UBASH3A: variants seen among roughly 807,000 people sequenced by gnomAD.
The protein encoded by UBASH3A is ubiquitin associated and SH3 domain containing A, also known as ubiquitin-associated and SH3 domain-containing protein A.
Under a neutral mutation model 73.5 loss-of-function variants are expected in UBASH3A, and 63 were observed. The ratio of observed to expected loss-of-function variants is 0.86; its 90% CI spans 0.70 to 1.06. The LOEUF is 1.06. Among genes scored for constraint, UBASH3A ranks in the 50% least tolerant of loss-of-function variants. The pLI is 0.00. For synonymous variants in UBASH3A, 363 were observed against 351.1 expected, an observed-to-expected ratio of 1.03 and a Z score of -0.38; for missense variants, 860 against 859.0, an observed-to-expected ratio of 1.00 and a Z score of -0.02.
rs766219425 is a variant in UBASH3A at position 42,447,053 on chromosome 21, C to A, written c.1849-4C>A. 6.2e-7 allele frequency: 1 copy of A among 1,611,274 alleles called. No individual in the cohort carries two copies. The highest frequency in any genetic ancestry group is 1.1e-5 in the South Asian group (1 of 90,572). On this transcript the variant is annotated splice_region_variant and splice_polypyrimidine_tract_variant and intron_variant, in intron 14 of 14. Coordinates refer to ENST00000319294, the MANE Select transcript of UBASH3A (RefSeq NM_018961.4). ...TTAACAAGTGATTTAAAACTCTGTTCCAGATCCCTTCCCTGGGCATGTGCT... is the reference window on the plus strand; with the variant it reads ...TTAACAAGTGATTTAAAACTCTGTTACAGATCCCTTCCCTGGGCATGTGCT...
Position 42,418,427 on chromosome 21 carries a change from AC to A in UBASH3A, c.868del (p.Gln290ArgfsTer6). 6.2e-7 allele frequency: 1 copy of A among 1,613,998 alleles called. No homozygotes were observed. On this transcript the variant is annotated frameshift_variant, in exon 7 of 15. Transcript: ENST00000319294. LOFTEE classifies it high-confidence loss of function. The part of the protein sequence containing the change: ...QTLRALFQYK[P>X]QNVDELTLSP... ...CCCTGAGAGCCCTATTCCAGTACAA[AC>A]CCCAGAACGTGGATGAGCTGACGCT...
intron 7 of UBASH3A, among the ~76,000 whole-genome samples, chr21:42,424,799 G>C (rs572217465): frequency 1.3e-5 from 2 of 152,296 alleles, no homozygotes; most frequent in South Asian, 2.1e-4. Context: ...TTGGAGACAG[G>C]GTCTTTAAAG....
chr21:42,416,018 A>G (rs78769539), intron 5 of UBASH3A, among the ~76,000 whole-genome samples: 2,286 of 152,330 alleles, frequency 0.015, 61 homozygotes, highest in African/African-American at 0.051. Flanking sequence ...GGTGAACCTT[A>G]AAGACACTGT....
At chr21:42,412,817 A>G (rs1427880695) in intron 3 of UBASH3A, among the ~76,000 whole-genome samples, 1 of 152,222 alleles carries the variant, frequency 6.6e-6, no homozygotes, top group Non-Finnish European at 1.5e-5. Flanking sequence ...CCTGCAAAGA[A>G]ACTTACCTGA....
intron 5 of UBASH3A, among the ~76,000 whole-genome samples, chr21:42,414,417 T>A: frequency 6.6e-6 from 1 of 152,172 alleles, no homozygotes; most frequent in Non-Finnish European, 1.5e-5. Flanking sequence ...TGAACCTCAT[T>A]GGCAGCATCT....
chr21:42,426,750 C>A lies in UBASH3A; in HGVS notation c.1100C>A (p.Ala367Asp), dbSNP rs2053443294. 6.2e-7 allele frequency: 1 copy of A among 1,614,038 alleles called. No individual in the cohort carries two copies. Among genetic ancestry groups the A allele is most frequent in the African/African-American group, 1.3e-5 (1 of 74,930 alleles). The part of the protein sequence containing the change: ...TDLNSRKDGE[A>D]SSRCSGEFLP... Reference sequence around the variant, plus strand: ...CTGAACTCCAGAAAGGATGGTGAAGCCAGCAGCAGATGCAGCGGGGAATTT... The same window carrying A: ...CTGAACTCCAGAAAGGATGGTGAAGACAGCAGCAGATGCAGCGGGGAATTT... The change falls in exon 8 of 15, where the codon GCC becomes GAC. Residue 367 changes from alanine (A) to aspartate (D), a missense_variant. Coordinates refer to ENST00000319294, the MANE Select transcript of UBASH3A (RefSeq NM_018961.4).
chr21:42,439,588 A>G (rs1234114425), intron 11 of UBASH3A, among the ~76,000 whole-genome samples: 1 of 152,114 alleles, frequency 6.6e-6, no homozygotes, highest in Non-Finnish European at 1.5e-5. Flanking sequence ...CCCGAGGGCA[A>G]GCAAGGCTTC....
At chr21:42,412,446 C>T (rs1049859333) in intron 3 of UBASH3A, among the ~76,000 whole-genome samples, 7 of 152,130 alleles carry the variant, frequency 4.6e-5, no homozygotes, top group Admixed American at 6.5e-5. Context: ...GTGCAGGAGA[C>T]GCACAGGGGA....
At chr21:42,442,426 AAAC>A in intron 11 of UBASH3A, 23 bp from the exon 12 acceptor site, 1 of 1,608,778 alleles carries the variant, frequency 6.2e-7, no homozygotes, top group Non-Finnish European at 8.5e-7. Context: ...TGAGGATGAT[AAAC>A]ACTTGTATTC....
intron 7 of UBASH3A, among the ~76,000 whole-genome samples, chr21:42,424,035 A>C: frequency 6.6e-6 from 1 of 152,104 alleles, no homozygotes; most frequent in Non-Finnish European, 1.5e-5. Flanking sequence ...ATGATCCTTG[A>C]ATGTCTCCAC....
chr21:42,445,625 C>T (rs76398675), intron 14 of UBASH3A, among the ~76,000 whole-genome samples: 2,087 of 152,352 alleles, frequency 0.014, 59 homozygotes, highest in African/African-American at 0.048. Flanking sequence ...TGAGAGGTTA[C>T]GCACATGAAG....
chr21:42,432,289 A>G (rs1443631580), intron 9 of UBASH3A, 87 bp downstream of exon 9: 43 of 843,198 alleles, frequency 5.1e-5, no homozygotes, highest in Non-Finnish European at 8.1e-5. Context: ...ACATGGCACC[A>G]GATCCCCTGA....
At position 42,413,207 on chromosome 21, in the gene UBASH3A, G is replaced by C; in HGVS notation, c.538G>C (p.Ala180Pro). 2 of 1,614,204 alleles carry C rather than the reference G, an allele frequency of 1.2e-6. No homozygotes were observed. Among genetic ancestry groups the C allele is most frequent in the Non-Finnish European group, 1.7e-6 (2 of 1,180,034 alleles). Residue 180 changes from alanine to proline, a missense_variant, in exon 4 of 15, where the codon GCA (alanine) becomes CCA (proline). Physicochemically the swap from Ala to Pro is conservative, Grantham distance 27. Coordinates refer to ENST00000319294, the MANE Select transcript of UBASH3A (RefSeq NM_018961.4). The surrounding 1 kb of genome is among the most constrained non-coding windows in gnomAD (Gnocchi z 4.5). The part of the protein sequence containing the change: ...REFAMTFATE[A>P]SLLAGTSVSR... ...ATTCGCCATGACCTTCGCCACGGAA[G>C]CATCTCTCTTAGCAGGTGGGCAGCC...
At position 42,413,289 on chromosome 21, in the gene UBASH3A, G is replaced by T; in HGVS notation, c.553+67G>T. On this transcript the variant is annotated intron_variant, in intron 4 of 14. Coordinates refer to ENST00000319294, the MANE Select transcript of UBASH3A (RefSeq NM_018961.4). This position sits in a 1 kb window ranked among gnomAD's most constrained non-coding sequence, Gnocchi z 4.5. ...CAGTGAGTGAGCCCTCTGTGGCAGGGACTAGCCCCCGGCACATGGATGCAG... is the reference window on the plus strand; with the variant it reads ...CAGTGAGTGAGCCCTCTGTGGCAGGTACTAGCCCCCGGCACATGGATGCAG... 3.8e-6 allele frequency: 6 copies of T among 1,589,550 alleles called. No homozygotes were observed. Among genetic ancestry groups the T allele is most frequent in the Non-Finnish European group, 5.2e-6 (6 of 1,159,652 alleles).
intron 6 of UBASH3A, 97 bp downstream of exon 6, chr21:42,416,708 C>A (rs560974360): frequency 2.8e-4 from 339 of 1,206,702 alleles, no homozygotes; most frequent in Admixed American, 3.8e-4. Context: ...GCCGAGGCGG[C>A]GGATCATGAG....
intron 6 of UBASH3A, chr21:42,417,469 A>G (rs995019477): frequency 2.6e-5 from 4 of 151,638 alleles, no homozygotes; most frequent in African/African-American, 9.7e-5. Context: ...ACTATTGTAA[A>G]GATCTATGAA....
At chr21:42,432,066 A>T in intron 8 of UBASH3A, 37 bp from the exon 9 acceptor site, 1 of 1,375,004 alleles carries the variant, frequency 7.3e-7, no homozygotes, top group Non-Finnish European at 1.0e-6. Context: ...GTTGGATGTT[A>T]AACTGCATGT....
chr21:42,411,257 C>T (rs111174473), intron 3 of UBASH3A, among the ~76,000 whole-genome samples: 10,196 of 151,898 alleles, frequency 0.067, 472 homozygotes, highest in Middle Eastern at 0.13. Context: ...GATAGACACA[C>T]ATACACACTA....
rs1226767943 is a variant in UBASH3A, at chr21:42,447,440, G to A, written c.*246G>A. On this transcript the variant is annotated 3_prime_UTR_variant, in exon 15 of 15. Coordinates refer to ENST00000319294, the MANE Select transcript of UBASH3A (RefSeq NM_018961.4). The stretch of plus-strand genomic sequence containing the variant: ...GGGCAGGTGGCTGGGTGAGGATGCC[G>A]CCCTGCAGCATGTACACCGAGTGTC... 7 of 434,596 alleles carry A rather than the reference G, an allele frequency of 1.6e-5. No individual in the cohort carries two copies. Among genetic ancestry groups the A allele is most frequent in the South Asian group, 6.7e-5 (2 of 29,686 alleles). The allele number at this position is 434,596 out of a possible 1,614,324, so 26.9% of individuals were successfully genotyped here.
Sources: gnomAD v4.1 joint callset for allele counts (sites outside exome capture counted in the v4.1 genomes callset) on GRCh38, gnomAD v4.1.1 for gene constraint, Gnocchi (gnomAD v3.1) non-coding constraint, MANE v1.5 for transcripts, NCBI Gene and HGNC (gene_info 2026-07-23, HGNC 2026-07-21) for gene names.